GMPS: variants seen among roughly 807,000 people sequenced by gnomAD.
GMPS encodes guanosine monophosphate synthase.
GMPS carries 15 observed loss-of-function variants against 77.9 expected under a neutral mutation model. The ratio of observed to expected loss-of-function variants is 0.19; its 90% CI spans 0.13 to 0.30. The LOEUF (loss-of-function observed/expected upper bound fraction) is 0.30. GMPS is among the 10% of genes least tolerant of loss of function. The probability of loss-of-function intolerance (pLI) is 1.00; values close to 1 mark genes in which losing one functional copy is unlikely to be tolerated. For missense variants in GMPS, 590 were observed against 838.8 expected, an observed-to-expected ratio of 0.70 and a Z score of 3.66; for synonymous variants, 224 against 275.9, an observed-to-expected ratio of 0.81 and a Z score of 1.86.
chr3:155,909,697 C>T (rs544676867), intron 5 of GMPS, among the ~76,000 whole-genome samples: 1 of 152,280 alleles, frequency 6.6e-6, no homozygotes, highest in South Asian at 2.1e-4. Context: ...CACCTGTAAT[C>T]CCAGCACTTT....
intron 1 of GMPS, among the ~76,000 whole-genome samples, chr3:155,892,856 T>A (rs1371825166): frequency 6.6e-6 from 1 of 152,244 alleles, no homozygotes; most frequent in Non-Finnish European, 1.5e-5. Context: ...GGTCTTGAAC[T>A]CGTGACCTCA....
At chr3:155,882,088 A>G (rs1234516499) in intron 1 of GMPS, among the ~76,000 whole-genome samples, 3 of 152,066 alleles carry the variant, frequency 2.0e-5, no homozygotes, top group Non-Finnish European at 4.4e-5. Flanking sequence ...AAAATAAATG[A>G]AGACTGATTA....
In GMPS at chr3:155,925,400, CTTTT is replaced by C. The variant is rs200488171; in HGVS notation, c.1560+45_1560+48del. ...TGTGAATTCATTCACCAGTGATATACTTTTTTTTTTTTTTCTTTTCTTGAGACGG... is the reference window on the plus strand; with the variant it reads ...TGTGAATTCATTCACCAGTGATATACTTTTTTTTTTCTTTTCTTGAGACGG... On this transcript the variant is annotated intron_variant, in intron 12 of 15. Coordinates refer to ENST00000496455, the MANE Select transcript of GMPS (RefSeq NM_003875.3). 2.1e-4 allele frequency: 258 copies of C among 1,248,784 alleles called. 2 individuals carry two copies. Among genetic ancestry groups the C allele is most frequent in the South Asian group, 9.8e-4 (65 of 66,284 alleles). The allele number at this position is 1,248,784 out of a possible 1,614,324, so 77.4% of individuals were successfully genotyped here. A position where few individuals can be genotyped will look rare whatever the true frequency, so the allele number is the denominator to read the frequency against.
intron 3 of GMPS, among the ~76,000 whole-genome samples, chr3:155,902,154 G>A (rs1218455613): frequency 2.0e-5 from 3 of 152,164 alleles, no homozygotes; most frequent in Non-Finnish European, 4.4e-5. Flanking sequence ...CTTTGCTAGG[G>A]CCCTTGGGCT....
chr3:155,931,834 A>G lies in GMPS; in HGVS notation c.1630A>G (p.Ile544Val). The G allele has an allele frequency of 6.3e-7, 1 of 1,599,930 alleles. No homozygotes were observed. The highest frequency in any genetic ancestry group is 8.6e-7 in the Non-Finnish European group (1 of 1,167,520). Residue 544 changes from isoleucine to valine, a missense_variant, in exon 13 of 16, where the codon ATT (isoleucine) becomes GTT (valine). Physicochemically the swap from Ile to Val is conservative, Grantham distance 29 (BLOSUM62 3). Around this residue, in one of 6 missense-constraint regions of GMPS, gnomAD observed 89 missense variants for 95.9 expected, o/e 0.93. Transcript: ENST00000496455. ...AGATGAACCTGACTGGGAATCACTT[A>G]TTTTTCTGGCTAGGCTTATACCTCG... ...SKDEPDWESL[I>V]FLARLIPRMC...
chr3:155,906,704 T>C (rs941484941), intron 5 of GMPS, among the ~76,000 whole-genome samples: 8 of 140,492 alleles, frequency 5.7e-5, no homozygotes, highest in Non-Finnish European at 1.0e-4. Context: ...CTGTGACTTG[T>C]GGGTCAAATC....
intron 1 of GMPS, among the ~76,000 whole-genome samples, chr3:155,881,190 GA>G (rs1457835313): frequency 0.019 from 490 of 25,964 alleles, 6 homozygotes; most frequent in Admixed American, 0.074. Flanking sequence ...TTTTTTTTTT[GA>G]GACGGAGTTT....
At chr3:155,896,612 G>A (rs947232298) in intron 2 of GMPS, among the ~76,000 whole-genome samples, 2 of 151,202 alleles carry the variant, frequency 1.3e-5, no homozygotes, top group Admixed American at 6.6e-5. Flanking sequence ...GTAGACATGG[G>A]GTTTTGCCAC....
At chr3:155,924,109 A>C (rs1270920832) in intron 11 of GMPS, among the ~76,000 whole-genome samples, 1 of 152,058 alleles carries the variant, frequency 6.6e-6, no homozygotes, top group Non-Finnish European at 1.5e-5. Context: ...CAAACTCCCG[A>C]CCTCAGGTGA....
chr3:155,931,491 T>G (rs13324534), intron 12 of GMPS, among the ~76,000 whole-genome samples: 16 of 152,036 alleles, frequency 1.1e-4, no homozygotes, highest in Admixed American at 3.9e-4. Context: ...CAGCCTAAAT[T>G]CTTGATATTA....
chr3:155,932,579 C>T (rs753562190), intron 13 of GMPS, among the ~76,000 whole-genome samples: 11 of 152,100 alleles, frequency 7.2e-5, no homozygotes, highest in Admixed American at 1.3e-4. Flanking sequence ...CAAAAATTCA[C>T]TTATTTTGTA....
chr3:155,925,228 T>G lies in GMPS; in HGVS notation c.1435-13T>G. Reference sequence around the variant, plus strand: ...TCTTAAAACTGAAAAAATGCCTCTTTGGTTTTTCTCAGCCACATACCCTAT... The same window carrying G: ...TCTTAAAACTGAAAAAATGCCTCTTGGGTTTTTCTCAGCCACATACCCTAT... On this transcript the variant is annotated splice_polypyrimidine_tract_variant and intron_variant, in intron 11 of 15. Coordinates refer to ENST00000496455, the MANE Select transcript of GMPS (RefSeq NM_003875.3). 3.1e-6 allele frequency: 5 copies of G among 1,598,930 alleles called. No individual in the cohort carries two copies. Among genetic ancestry groups the G allele is most frequent in the Non-Finnish European group, 4.3e-6 (5 of 1,174,842 alleles).
At position 155,939,152 on chromosome 3, in the gene GMPS, A is replaced by T. The variant is rs2108157668; in HGVS notation, c.*1460A>T. Reference sequence around the variant, plus strand: ...TCTGTCTTAACAGAAATCTGTCCCCAAGACAAAGGGGTACTTGACTCCTAC... The same window carrying T: ...TCTGTCTTAACAGAAATCTGTCCCCTAGACAAAGGGGTACTTGACTCCTAC... On this transcript the variant is annotated 3_prime_UTR_variant, in exon 16 of 16. Transcript: ENST00000496455. The T allele has an allele frequency of 4.5e-6, 1 of 220,086 alleles. No homozygotes were observed. Among genetic ancestry groups the T allele is most frequent in the African/African-American group, 2.2e-5 (1 of 44,732 alleles). The allele number at this position is 220,086 out of a possible 1,614,324, so 13.6% of individuals were successfully genotyped here. A position where few individuals can be genotyped will look rare whatever the true frequency, so the allele number is the denominator to read the frequency against.
intron 9 of GMPS, among the ~76,000 whole-genome samples, chr3:155,918,837 T>C (rs1755250058): frequency 6.6e-6 from 1 of 152,182 alleles, no homozygotes; most frequent in Non-Finnish European, 1.5e-5. Context: ...TTATCAGATA[T>C]ACGACTTGCA....
chr3:155,892,081 A>T (rs192240413), intron 1 of GMPS, among the ~76,000 whole-genome samples: 21 of 152,348 alleles, frequency 1.4e-4, no homozygotes, highest in Admixed American at 2.0e-4. Flanking sequence ...ACCTCCCTAA[A>T]TATGTTTATT....
Position 155,940,573 on chromosome 3 carries a change from CT to C in GMPS, c.*2885del. The C allele has an allele frequency of 4.6e-6, 1 of 216,926 alleles. No homozygotes were observed. The allele number at this position is 216,926 out of a possible 1,614,324, so 13.4% of individuals were successfully genotyped here. A position where few individuals can be genotyped will look rare whatever the true frequency, so the allele number is the denominator to read the frequency against. ...AAGGCAGGACTATCCATCTTTAGTG[CT>C]TTTCCTGCCGTTAAACAACAATGTG... On this transcript the variant is annotated 3_prime_UTR_variant, in exon 16 of 16. Transcript: ENST00000496455.
At chr3:155,890,351 G>A (rs1270684212) in intron 1 of GMPS, among the ~76,000 whole-genome samples, 1 of 152,126 alleles carries the variant, frequency 6.6e-6, no homozygotes, top group Non-Finnish European at 1.5e-5. Flanking sequence ...AAATAATAAT[G>A]CAAGCTGAAA....
In GMPS at chr3:155,913,677, C is replaced by T. The variant is rs965810461; in HGVS notation, c.887-742C>T. Among the ~76,000 whole-genome samples the T allele has an allele frequency of 4.6e-5, 7 of 151,880 alleles. No individual in the cohort carries two copies. In the East Asian group the frequency reaches 5.8e-4, roughly 13 times the overall value. Reference sequence around the variant, plus strand: ...CTGGGATTGCAGACATGTGCCACTACGCCCCACTAATTTTTGTGTTTTTAG... The same window carrying T: ...CTGGGATTGCAGACATGTGCCACTATGCCCCACTAATTTTTGTGTTTTTAG... On this transcript the variant is annotated intron_variant, in intron 7 of 15. Coordinates refer to ENST00000496455, the MANE Select transcript of GMPS (RefSeq NM_003875.3).
intron 5 of GMPS, among the ~76,000 whole-genome samples, 170 bp downstream of exon 5, chr3:155,906,433 A>G (rs1462064165): frequency 6.6e-6 from 1 of 152,136 alleles, no homozygotes; most frequent in Non-Finnish European, 1.5e-5. Context: ...AGGGAATTTA[A>G]TAATAGGAGG....
Sources: allele counts gnomAD v4.1 joint callset (sites outside exome capture counted in the v4.1 genomes callset), GRCh38; gene constraint gnomAD v4.1.1; regional missense constraint gnomAD v4.1.1; transcripts MANE v1.5; gene names NCBI Gene and HGNC (gene_info 2026-07-23, HGNC 2026-07-21).